Variants in HTR4 observed in about 807,000 individuals in gnomAD.
HTR4 encodes 5-hydroxytryptamine receptor 4, also known as 5-hydroxytryptamine (serotonin) receptor 4, G protein-coupled.
In HTR4, 16 loss-of-function variants were observed where a neutral mutation model predicts 36.8. The observed-to-expected ratio is 0.43, with a 90% confidence interval of 0.29 to 0.66. HTR4 has a LOEUF of 0.66. Among genes scored for constraint, HTR4 ranks in the 30% least tolerant of loss-of-function variants. The pLI, the probability that HTR4 is intolerant of heterozygous loss-of-function variation, is 0.13. For synonymous variants in HTR4, 189 were observed against 185.1 expected (o/e 1.02, Z -0.17); for missense variants, 438 against 490.9 (o/e 0.89, Z 1.02).
At chr5:148,641,043 T>G (rs1007325865) in intron 1 of HTR4, among the ~76,000 whole-genome samples, 1 of 152,204 alleles carries the variant, frequency 6.6e-6, no homozygotes. Context: ...TAATTGATTA[T>G]GCCTGACTAT....
chr5:148,491,351 A>G (rs1312872187), intron 6 of HTR4, among the ~76,000 whole-genome samples: 1 of 151,940 alleles, frequency 6.6e-6, no homozygotes, highest in Non-Finnish European at 1.5e-5. Flanking sequence ...TGCCTTAAGA[A>G]TGTATGAGGA....
At chr5:148,466,530 T>C (rs1464404648) in intron 5 of HTR4, among the ~76,000 whole-genome samples, 1 of 152,126 alleles carries the variant, frequency 6.6e-6, no homozygotes, top group Non-Finnish European at 1.5e-5. Context: ...CAGTTAGATA[T>C]GTCACTGACC....
chr5:148,630,715 G>GAT (rs1228694089), intron 2 of HTR4, among the ~76,000 whole-genome samples: 1 of 152,020 alleles, frequency 6.6e-6, no homozygotes, highest in Admixed American at 6.6e-5. Context: ...GATGACTAAA[G>GAT]ACACATTTAT....
chr5:148,512,447 C>G (rs1226801216), intron 5 of HTR4, among the ~76,000 whole-genome samples: 1 of 151,910 alleles, frequency 6.6e-6, no homozygotes, highest in Non-Finnish European at 1.5e-5. Flanking sequence ...AACTCTCTTT[C>G]TTATTGATTT....
At chr5:148,607,253 C>A (rs1752210350) in intron 2 of HTR4, among the ~76,000 whole-genome samples, 1 of 152,122 alleles carries the variant, frequency 6.6e-6, no homozygotes, top group Non-Finnish European at 1.5e-5. Context: ...TCCATGCTCC[C>A]AGATCACAGC....
At chr5:148,507,274 A>AG (rs1340110410) in intron 6 of HTR4, among the ~76,000 whole-genome samples, 1 of 150,578 alleles carries the variant, frequency 6.6e-6, no homozygotes, top group Admixed American at 6.7e-5. Flanking sequence ...TATCGCAAGG[A>AG]GAAAAAACCA....
intron 4 of HTR4, among the ~76,000 whole-genome samples, chr5:148,540,399 T>G (rs1759047059): frequency 1.9e-5 from 1 of 52,920 alleles, no homozygotes; most frequent in Non-Finnish European, 4.4e-5. Flanking sequence ...TTTATGTGTG[T>G]GTATATATAT....
At chr5:148,572,178 G>C (rs918999854) in intron 2 of HTR4, among the ~76,000 whole-genome samples, 6 of 152,080 alleles carry the variant, frequency 3.9e-5, no homozygotes, top group African/African-American at 1.4e-4. Context: ...GGCCTTGTCA[G>C]TTTCTCTGCT....
At position 148,548,791 on chromosome 5, in the gene HTR4, C is replaced by A; in HGVS notation, c.230G>T (p.Gly77Val). ...LLVSVLVMPF[G>V]AIELVQDIWI... Reference sequence around the variant, plus strand: ...GATGTCTTGAACCAGCTCAATGGCACCAAAGGGCATCACCAGCACCGAAAC... The same window carrying A: ...GATGTCTTGAACCAGCTCAATGGCAACAAAGGGCATCACCAGCACCGAAAC... Residue 77 changes from glycine (G) to valine (V), a missense_variant, in exon 4 of 7, where the codon GGT becomes GTT. Transcript: ENST00000377888. 1 of 1,614,044 alleles carries A rather than the reference C, an allele frequency of 6.2e-7. No individual in the cohort carries two copies. Among genetic ancestry groups the A allele is most frequent in the East Asian group, 2.2e-5 (1 of 44,852 alleles).
chr5:148,611,465 A>C (rs1270057146), intron 2 of HTR4, among the ~76,000 whole-genome samples: 10 of 131,978 alleles, frequency 7.6e-5, no homozygotes, highest in South Asian at 2.9e-4. Flanking sequence ...TACTTTACAG[A>C]CAAGCAAATG....
chr5:148,504,503 G>A (rs564657784), intron 6 of HTR4, among the ~76,000 whole-genome samples: 1 of 152,126 alleles, frequency 6.6e-6, no homozygotes, highest in Non-Finnish European at 1.5e-5. Flanking sequence ...AGTGTGTAGA[G>A]GGAAATTTAT....
At chr5:148,547,617 G>A (rs1217399600) in intron 4 of HTR4, among the ~76,000 whole-genome samples, 1 of 151,592 alleles carries the variant, frequency 6.6e-6, no homozygotes, top group Admixed American at 6.6e-5. Flanking sequence ...GATTGTCTGA[G>A]CACGATGGCT....
rs539292888 is a variant in HTR4 at position 148,652,633 on chromosome 5, G to A, written c.-48+1429C>T. Reference sequence around the variant, plus strand: ...ACACTACTGTCCTCTGGGCCCTGGGGCCTCCTTCTGCTCGATATGAACTGA... The same window carrying A: ...ACACTACTGTCCTCTGGGCCCTGGGACCTCCTTCTGCTCGATATGAACTGA... On this transcript the variant is annotated intron_variant, in intron 1 of 6. Coordinates refer to ENST00000377888, the MANE Select transcript of HTR4 (RefSeq NM_000870.7). Among the ~76,000 whole-genome samples, 7 of 152,234 alleles carry A rather than the reference G, an allele frequency of 4.6e-5. No homozygotes were observed. In the East Asian group the frequency reaches 9.7e-4, roughly 21 times the overall value.
intron 2 of HTR4, among the ~76,000 whole-genome samples, chr5:148,594,444 A>G (rs1302652193): frequency 3.3e-5 from 5 of 152,026 alleles, no homozygotes; most frequent in Non-Finnish European, 7.4e-5. Context: ...ATAATAAAAT[A>G]TTATAGCTGA....
intron 4 of HTR4, among the ~76,000 whole-genome samples, chr5:148,546,615 A>C (rs1759395606): frequency 6.6e-6 from 1 of 152,286 alleles, no homozygotes; most frequent in East Asian, 1.9e-4. Context: ...CACAATGGAC[A>C]GTTGATTCTA....
downstream of HTR4, among the ~76,000 whole-genome samples, chr5:148,471,809 T>A (rs1359037928): frequency 6.6e-6 from 1 of 152,222 alleles, no homozygotes; most frequent in African/African-American, 2.4e-5. Flanking sequence ...TGTGCATATG[T>A]CCAGATTTTT....
Position 148,654,134 on chromosome 5 carries a change from T to G in HTR4, c.-120A>C. 1.0e-6 allele frequency: 1 copy of G among 985,684 alleles called. No individual in the cohort carries two copies. The highest frequency in any genetic ancestry group is 1.2e-6 in the Non-Finnish European group (1 of 830,068). The allele number at this position is 985,684 out of a possible 1,614,324, so 61.1% of individuals were successfully genotyped here. A position where few individuals can be genotyped will look rare whatever the true frequency, so the allele number is the denominator to read the frequency against. On this transcript the variant is annotated 5_prime_UTR_variant, in exon 1 of 7. Coordinates refer to ENST00000377888, the MANE Select transcript of HTR4 (RefSeq NM_000870.7). ...CCACCCCCAGCCGCTGAGCCGAGCT[T>G]CTGCTGCCGCCGCTGCCGCTGCGCT...
chr5:148,636,355 A>G (rs140850926), intron 2 of HTR4, among the ~76,000 whole-genome samples: 1 of 152,168 alleles, frequency 6.6e-6, no homozygotes, highest in African/African-American at 2.4e-5. Context: ...CTCAGCCTCA[A>G]ATGCCAATTC....
At chr5:148,621,531 C>G (rs1158238704) in intron 2 of HTR4, among the ~76,000 whole-genome samples, 1 of 152,268 alleles carries the variant, frequency 6.6e-6, no homozygotes, top group African/African-American at 2.4e-5. Context: ...ATAGAGAGAC[C>G]AATTCTAACG....
Sources: allele counts gnomAD v4.1 joint callset (sites outside exome capture counted in the v4.1 genomes callset), GRCh38; gene constraint gnomAD v4.1.1; transcripts MANE v1.5; gene names NCBI Gene and HGNC (gene_info 2026-07-23, HGNC 2026-07-21).